ATR: variants seen among roughly 807,000 people sequenced by gnomAD.
ATR encodes ATR checkpoint kinase.
A neutral mutation model predicts 305.3 loss-of-function variants in ATR; 142 were observed. The ratio of observed to expected loss-of-function variants is 0.47; its 90% CI spans 0.41 to 0.53. The LOEUF (loss-of-function observed/expected upper bound fraction) is 0.53, where lower values mean the gene tolerates loss of function less well. ATR is among the 20% of genes least tolerant of loss of function. ATR has a pLI of 0.00. For synonymous variants in ATR, 1,050 were observed against 1,068.1 expected (o/e 0.98, Z 0.33); for missense variants, 2,135 against 3,133.1 (o/e 0.68, Z 7.60).
chr3:142,565,996 C>T lies in ATR; in HGVS notation c.292+125G>A, dbSNP rs1577709496. On this transcript the variant is annotated intron_variant, in intron 3 of 46. Coordinates refer to ENST00000350721, the MANE Select transcript of ATR (RefSeq NM_001184.4). The stretch of plus-strand genomic sequence containing the variant: ...GAAAAATAACCATTACCATTTTGCT[C>T]CTTCAATTTATAGCAAAGCTGACCC... The T allele has an allele frequency of 2.3e-6, 3 of 1,297,034 alleles. No individual in the cohort carries two copies. In the East Asian group the frequency reaches 7.0e-5, roughly 30 times the overall value. The allele number at this position is 1,297,034 out of a possible 1,614,324, so 80.3% of individuals were successfully genotyped here.
chr3:142,545,406 G>T (rs1360798048), intron 16 of ATR, among the ~76,000 whole-genome samples: 2 of 152,010 alleles, frequency 1.3e-5, no homozygotes, highest in Non-Finnish European at 2.9e-5. Flanking sequence ...CTCGAAGCAG[G>T]AAAAAGTTTG....
chr3:142,502,892 G>A (rs929196896), intron 30 of ATR, among the ~76,000 whole-genome samples: 15 of 152,190 alleles, frequency 9.9e-5, no homozygotes, highest in African/African-American at 3.6e-4. Flanking sequence ...ATTATTTTTT[G>A]TTTAATTTGA....
chr3:142,515,399 G>A lies in ATR; in HGVS notation c.4499C>T (p.Thr1500Ile). The A allele has an allele frequency of 6.2e-7, 1 of 1,613,756 alleles. No individual in the cohort carries two copies. The highest frequency in any genetic ancestry group is 8.5e-7 in the Non-Finnish European group (1 of 1,179,838). ...WSASWAGYLI[T>I]KVRHDLASKI... Reference sequence around the variant, plus strand: ...AAACTGAACAGGGTTTCTTACCTTTGTAATAAGATAACCTGCCCAAGATGC... The same window carrying A: ...AAACTGAACAGGGTTTCTTACCTTTATAATAAGATAACCTGCCCAAGATGC... Residue 1500 changes from threonine (T) to isoleucine (I), a missense_variant, in exon 25 of 47, where the codon ACA (threonine) becomes ATA (isoleucine). Thr to Ile is a moderately conservative substitution (Grantham distance 89, BLOSUM62 -1). Coordinates refer to ENST00000350721, the MANE Select transcript of ATR (RefSeq NM_001184.4).
At chr3:142,538,438 A>G (rs765404555) in intron 19 of ATR, 44 bp downstream of exon 19, 2 of 1,575,678 alleles carry the variant, frequency 1.3e-6, no homozygotes, top group South Asian at 1.1e-5. Flanking sequence ...ATAAAAATAC[A>G]GTTTAAAAAG....
In ATR at chr3:142,570,658, G is replaced by T. The variant is rs377578098; in HGVS notation, c.60-2504C>A. On this transcript the variant is annotated intron_variant, in intron 1 of 46. Coordinates refer to ENST00000350721, the MANE Select transcript of ATR (RefSeq NM_001184.4). ...CCATCTTGGCCTCCCAAAGTGCTGG[G>T]ATTATAGGTGTGAGCCACCATGCCC... is the stretch of plus-strand genomic sequence containing the variant. 2.6e-5 allele frequency among the ~76,000 whole-genome samples: 4 copies of T among 152,168 alleles called. No homozygotes were observed. The East Asian group carries it at 5.8e-4, about 22-fold the overall frequency.
chr3:142,452,676 A>C, intron 46 of ATR: 1 of 1,032,392 alleles, frequency 9.7e-7, no homozygotes, highest in Non-Finnish European at 1.2e-6. Context: ...TCTGTCTCAA[A>C]AACAACAACC....
At chr3:142,476,591 T>C (rs1482713141) in intron 36 of ATR, among the ~76,000 whole-genome samples, 3 of 151,752 alleles carry the variant, frequency 2.0e-5, no homozygotes, top group Non-Finnish European at 4.4e-5. Context: ...TTTTTTGGTT[T>C]CATATGAACT....
At position 142,467,259 on chromosome 3, in the gene ATR, C is replaced by T. The variant is rs192752664; in HGVS notation, c.6687+675G>A. On this transcript the variant is annotated intron_variant, in intron 39 of 46. Coordinates refer to ENST00000350721, the MANE Select transcript of ATR (RefSeq NM_001184.4). ...ACCTCCCACTTTTATCTTTCCTATACATCCTTGGGGGTTTTTCTCTAATAC... is the reference window on the plus strand; with the variant it reads ...ACCTCCCACTTTTATCTTTCCTATATATCCTTGGGGGTTTTTCTCTAATAC... Among the ~76,000 whole-genome samples the T allele has an allele frequency of 9.8e-4, 149 of 152,216 alleles. 1 individual carries two copies. Among genetic ancestry groups the T allele is most frequent in the African/African-American group, 3.5e-3 (147 of 41,550 alleles).
At chr3:142,517,100 C>T (rs982833146) in intron 24 of ATR, among the ~76,000 whole-genome samples, 11 of 150,736 alleles carry the variant, frequency 7.3e-5, no homozygotes, top group Non-Finnish European at 1.0e-4. Flanking sequence ...AAATTCAAAT[C>T]CCTATTTTGA....
At chr3:142,506,726 A>T (rs1036342642) in intron 28 of ATR, among the ~76,000 whole-genome samples, 10 of 152,174 alleles carry the variant, frequency 6.6e-5, no homozygotes, top group Non-Finnish European at 1.3e-4. Flanking sequence ...GGGAAGAAAA[A>T]GAATATGGTG....
chr3:142,544,304 T>C (rs1177753692), intron 16 of ATR, among the ~76,000 whole-genome samples: 2 of 150,992 alleles, frequency 1.3e-5, no homozygotes, highest in Non-Finnish European at 3.0e-5. Context: ...CAAAAAAAAT[T>C]AGCCAAGCAT....
At chr3:142,516,778 C>T (rs925551423) in intron 24 of ATR, among the ~76,000 whole-genome samples, 1 of 152,094 alleles carries the variant, frequency 6.6e-6, no homozygotes, top group Non-Finnish European at 1.5e-5. Context: ...GTCCTTACTA[C>T]ACCAACTATC....
chr3:142,545,086 A>G (rs1401626502), intron 16 of ATR, among the ~76,000 whole-genome samples: 4 of 152,134 alleles, frequency 2.6e-5, no homozygotes, highest in Non-Finnish European at 4.4e-5. Flanking sequence ...ACCTACCAAT[A>G]TATTATCTAT....
intron 24 of ATR, among the ~76,000 whole-genome samples, chr3:142,515,766 C>A (rs950063325): frequency 7.2e-5 from 11 of 152,098 alleles, no homozygotes; most frequent in African/African-American, 2.7e-4. Flanking sequence ...TAAGAAAAAC[C>A]TGTTCCTTTG....
intron 16 of ATR, among the ~76,000 whole-genome samples, chr3:142,543,494 GCTTC>G (rs2034138930): frequency 8.7e-6 from 1 of 114,848 alleles, no homozygotes. Context: ...TCCCTCCTTT[GCTTC>G]CTTCCTCCCT....
At chr3:142,567,393 T>C (rs984028540) in intron 2 of ATR, among the ~76,000 whole-genome samples, 3 of 152,170 alleles carry the variant, frequency 2.0e-5, no homozygotes, top group Admixed American at 6.5e-5. Context: ...TATTCAGTAG[T>C]CCTTTGTTAT....
chr3:142,473,916 C>G (rs1320174341), intron 36 of ATR, among the ~76,000 whole-genome samples: 1 of 145,888 alleles, frequency 6.9e-6, no homozygotes, highest in African/African-American at 2.5e-5. Context: ...ATTTTTTTTT[C>G]TACTTCTGTG....
intron 3 of ATR, among the ~76,000 whole-genome samples, chr3:142,564,234 T>C (rs1448430564): frequency 6.6e-6 from 1 of 152,224 alleles, no homozygotes; most frequent in Non-Finnish European, 1.5e-5. Flanking sequence ...TCATGTGACT[T>C]ACTTTATTGC....
At chr3:142,496,336 A>ATATATATATCTATC (rs531114901) in intron 34 of ATR, 25 bp downstream of exon 34, 1 of 522,178 alleles carries the variant, frequency 1.9e-6, no homozygotes, top group African/African-American at 3.4e-5. Flanking sequence ...ATATATATAT[A>ATATATATATCTATC]TGATGACATT....
Sources: allele counts gnomAD v4.1 joint callset (sites outside exome capture counted in the v4.1 genomes callset), GRCh38; gene constraint gnomAD v4.1.1; transcripts MANE v1.5; gene names NCBI Gene and HGNC (gene_info 2026-07-23, HGNC 2026-07-21).